Variants in PTPRT observed in about 807,000 individuals in gnomAD.
The protein encoded by PTPRT is protein tyrosine phosphatase receptor type T, also known as receptor-type tyrosine-protein phosphatase T.
PTPRT carries 56 observed loss-of-function variants against 176.8 expected under a neutral mutation model. The observed-to-expected ratio is 0.32, with a 90% confidence interval of 0.26 to 0.40. PTPRT has a LOEUF of 0.40. PTPRT is among the 10% of genes least tolerant of loss of function. The pLI, the probability that PTPRT is intolerant of heterozygous loss-of-function variation, is 1.00. For missense variants in PTPRT, 1,540 were observed against 1,908.2 expected (o/e 0.81, Z 3.60); for synonymous variants, 783 against 739.0 (o/e 1.06, Z -0.96).
chr20:42,110,510 T>A (rs759419012), intron 22 of PTPRT, 23 bp from the exon 23 acceptor site: 34 of 1,569,316 alleles, frequency 2.2e-5, no homozygotes, highest in Non-Finnish European at 2.9e-5. Context: ...CGGGCCTCTG[T>A]TCTTCCAGCT....
chr20:42,979,474 C>T (rs142326119), intron 1 of PTPRT, among the ~76,000 whole-genome samples: 117 of 152,272 alleles, frequency 7.7e-4, no homozygotes, highest in African/African-American at 2.7e-3. Flanking sequence ...AATACACATT[C>T]ACCTATATTT....
intron 7 of PTPRT, among the ~76,000 whole-genome samples, chr20:42,509,587 T>C (rs1022516346): frequency 6.7e-6 from 1 of 148,500 alleles, no homozygotes; most frequent in African/African-American, 2.4e-5. Context: ...TGTAAGGTGT[T>C]CCTTATTCAT....
intron 9 of PTPRT, among the ~76,000 whole-genome samples, chr20:42,424,742 CT>C (rs1244090363): frequency 2.0e-5 from 3 of 151,324 alleles, no homozygotes; most frequent in African/African-American, 7.3e-5. Context: ...CATGGCACAT[CT>C]TTTTGTCAGA....
chr20:43,104,501 C>T (rs2012518682), intron 1 of PTPRT, among the ~76,000 whole-genome samples: 1 of 152,170 alleles, frequency 6.6e-6, no homozygotes, highest in Admixed American at 6.5e-5. Flanking sequence ...TTTAACCCCC[C>T]TGAAAAACAG....
intron 1 of PTPRT, among the ~76,000 whole-genome samples, chr20:43,021,219 C>G (rs541037817): frequency 6.6e-6 from 1 of 152,240 alleles, no homozygotes; most frequent in Non-Finnish European, 1.5e-5. Flanking sequence ...GAAAATGCTC[C>G]TCTCATACAA....
chr20:43,039,307 T>C (rs192040729), intron 1 of PTPRT, among the ~76,000 whole-genome samples: 249 of 152,146 alleles, frequency 1.6e-3, no homozygotes, highest in Middle Eastern at 6.8e-3. Context: ...ACATGAATTA[T>C]TCAGTAAGAG....
At chr20:42,719,385 G>T (rs900510800) in intron 6 of PTPRT, among the ~76,000 whole-genome samples, 1 of 152,176 alleles carries the variant, frequency 6.6e-6, no homozygotes, top group Non-Finnish European at 1.5e-5. Context: ...GACAGAAAAG[G>T]TTCAGCTGTA....
At chr20:42,089,574 A>G (rs974105510) in intron 27 of PTPRT, among the ~76,000 whole-genome samples, 3 of 152,210 alleles carry the variant, frequency 2.0e-5, no homozygotes, top group Non-Finnish European at 4.4e-5. Context: ...ACTTCTCTGC[A>G]TTCGATTTTC....
At chr20:42,735,210 G>C (rs1351209496) in intron 6 of PTPRT, among the ~76,000 whole-genome samples, 1 of 152,182 alleles carries the variant, frequency 6.6e-6, no homozygotes, top group Non-Finnish European at 1.5e-5. Context: ...GAATGGCCCT[G>C]GGAAAGCTTA....
At chr20:42,140,281 T>G (rs1469128519) in intron 18 of PTPRT, among the ~76,000 whole-genome samples, 1 of 152,168 alleles carries the variant, frequency 6.6e-6, no homozygotes, top group Non-Finnish European at 1.5e-5. Context: ...GACCCAGGGA[T>G]GTTCCCCACA....
intron 5 of PTPRT, among the ~76,000 whole-genome samples, chr20:42,760,148 A>G (rs189134044): frequency 1.1e-3 from 160 of 152,248 alleles, no homozygotes; most frequent in African/African-American, 3.8e-3. Flanking sequence ...TACTTGACGG[A>G]GGGCAGCTCT....
chr20:42,736,037 A>G lies in PTPRT; in HGVS notation c.859+20425T>C, dbSNP rs186603115. On this transcript the variant is annotated intron_variant, in intron 6 of 30. Coordinates refer to ENST00000373187, the MANE Select transcript of PTPRT (RefSeq NM_007050.6). ...TCAAAGAACTATTTGATTTCATGGG[A>G]GTGCCACCAACTGAGCTCCTCCTAT... is the stretch of plus-strand genomic sequence containing the variant. Among the ~76,000 whole-genome samples, 397 of 152,270 alleles carry G rather than the reference A, an allele frequency of 2.6e-3. 3 individuals are homozygous for G. The highest frequency in any genetic ancestry group is 9.1e-3 in the African/African-American group (380 of 41,556).
intron 9 of PTPRT, among the ~76,000 whole-genome samples, chr20:42,420,518 A>G (rs2059108935): frequency 2.0e-5 from 3 of 152,170 alleles, no homozygotes; most frequent in Admixed American, 1.3e-4. Flanking sequence ...CCTTCTCCTT[A>G]CGCCAGGCTA....
intron 6 of PTPRT, among the ~76,000 whole-genome samples, chr20:42,722,225 G>C (rs1424223407): frequency 6.6e-6 from 1 of 152,054 alleles, no homozygotes; most frequent in African/African-American, 2.4e-5. Context: ...GGGGTGTCCA[G>C]AATTCTGCAT....
chr20:42,209,934 A>G (rs1297644248), intron 15 of PTPRT, among the ~76,000 whole-genome samples: 1 of 152,184 alleles, frequency 6.6e-6, no homozygotes. Context: ...CAGCACATCA[A>G]AAAGCTTATC....
intron 6 of PTPRT, among the ~76,000 whole-genome samples, chr20:42,696,455 A>ATGATTTT (rs141605241): frequency 0.35 from 51,590 of 146,550 alleles, 9,775 homozygotes; most frequent in African/African-American, 0.52. Context: ...AGCCACATGA[A>ATGATTTT]TTATTTTTTT....
intron 7 of PTPRT, among the ~76,000 whole-genome samples, chr20:42,490,901 AC>A (rs2071551085): frequency 6.6e-6 from 1 of 152,168 alleles, no homozygotes; most frequent in Non-Finnish European, 1.5e-5. Context: ...ATTGGTGAAT[AC>A]CTTTATCAAA....
intron 9 of PTPRT, among the ~76,000 whole-genome samples, chr20:42,436,703 A>G (rs1392488625): frequency 6.6e-6 from 1 of 152,216 alleles, no homozygotes; most frequent in Non-Finnish European, 1.5e-5. Context: ...TCTTGCACAT[A>G]TACAGGAGAA....
chr20:42,369,921 T>C (rs1047953743), intron 9 of PTPRT, among the ~76,000 whole-genome samples: 1 of 152,218 alleles, frequency 6.6e-6, no homozygotes, highest in Admixed American at 6.5e-5. Context: ...CTCACCTAAG[T>C]GAACACCTCA....
Sources: gnomAD v4.1 joint callset for allele counts (sites outside exome capture counted in the v4.1 genomes callset) on GRCh38, gnomAD v4.1.1 for gene constraint, MANE v1.5 for transcripts, NCBI Gene and HGNC (gene_info 2026-07-23, HGNC 2026-07-21) for gene names.